The following EPHA6 variants were observed in gnomAD, a reference collection of about 807,000 sequenced individuals.
EPHA6 encodes EPH receptor A6, also known as ephrin type-A receptor 6.
Under a neutral mutation model 112.0 loss-of-function variants are expected in EPHA6, and 50 were observed. The ratio of observed to expected loss-of-function variants is 0.45; its 90% CI spans 0.36 to 0.56. The LOEUF (loss-of-function observed/expected upper bound fraction) is 0.56. Among genes scored for constraint, EPHA6 ranks in the 20% least tolerant of loss-of-function variants. The pLI, the probability that EPHA6 is intolerant of heterozygous loss-of-function variation, is 0.00. For missense variants in EPHA6, 1,280 were observed against 1,417.4 expected (o/e 0.90, Z 1.56); for synonymous variants, 529 against 490.7 (o/e 1.08, Z -1.03).
rs147642398 is a variant in EPHA6, at chr3:96,985,688, G to T, written c.451-1642G>T. The stretch of plus-strand genomic sequence containing the variant: ...CTGGAAAATGCCCTCTGGATTTCAA[G>T]CAAGAAATTTGCAGAAAATATTTTT... On this transcript the variant is annotated intron_variant, in intron 2 of 17. Coordinates refer to ENST00000389672, the MANE Select transcript of EPHA6 (RefSeq NM_001080448.3). Among the ~76,000 whole-genome samples, 284 of 152,212 alleles carry T rather than the reference G, an allele frequency of 1.9e-3. 1 individual carries two copies. Among genetic ancestry groups the T allele is most frequent in the African/African-American group, 6.6e-3 (272 of 41,526 alleles).
intron 3 of EPHA6, among the ~76,000 whole-genome samples, chr3:97,069,158 A>G (rs1168820118): frequency 6.6e-6 from 1 of 152,172 alleles, no homozygotes; most frequent in Non-Finnish European, 1.5e-5. Flanking sequence ...TGCCTTACCA[A>G]TAATATAAAG....
chr3:97,532,659 A>G, intron 11 of EPHA6, 116 bp downstream of exon 11: 1 of 828,266 alleles, frequency 1.2e-6, no homozygotes. Flanking sequence ...CTTAGTTCAG[A>G]TATCATCACC....
chr3:97,723,276 T>C (rs967853976), intron 15 of EPHA6, among the ~76,000 whole-genome samples: 15 of 152,142 alleles, frequency 9.9e-5, no homozygotes, highest in Admixed American at 8.5e-4. Context: ...TAGTCCACCA[T>C]GTAAATTGTT....
At chr3:97,114,487 A>G (rs2108289439) in intron 3 of EPHA6, among the ~76,000 whole-genome samples, 1 of 152,124 alleles carries the variant, frequency 6.6e-6, no homozygotes, top group East Asian at 1.9e-4. Context: ...ACACCTGGTT[A>G]TATAATCGTC....
chr3:97,185,837 G>A (rs1356994268), intron 3 of EPHA6, among the ~76,000 whole-genome samples: 4 of 152,064 alleles, frequency 2.6e-5, no homozygotes, highest in Non-Finnish European at 5.9e-5. Context: ...TGATAGACTG[G>A]ATTAAGAAAA....
rs1553746306 is a variant in EPHA6, at chr3:97,324,425, C to CTTTCTTTCT, written c.1606+80141_1606+80149dup. 3.5e-5 allele frequency among the ~76,000 whole-genome samples: 5 copies of CTTTCTTTCT among 143,414 alleles called. No homozygotes were observed. The East Asian group carries it at 6.1e-4, about 17-fold the overall frequency. 94.1% of individuals were successfully genotyped at this position (143,414 alleles called of 152,430 possible). ...CCTTCTTTTCTTTCTTTCTTTCTTT[C>CTTTCTTTCT]TTTCTTTCTTTCTTTCTTTCTTTCT... is the stretch of plus-strand genomic sequence containing the variant. On this transcript the variant is annotated intron_variant, in intron 5 of 17. Coordinates refer to ENST00000389672, the MANE Select transcript of EPHA6 (RefSeq NM_001080448.3).
intron 14 of EPHA6, among the ~76,000 whole-genome samples, chr3:97,711,233 G>A (rs937163992): frequency 1.3e-5 from 2 of 152,058 alleles, no homozygotes; most frequent in Admixed American, 6.5e-5. Context: ...CATGTAAGAC[G>A]TAACTTGCTC....
At chr3:97,279,092 C>A (rs2080200075) in intron 5 of EPHA6, among the ~76,000 whole-genome samples, 1 of 152,158 alleles carries the variant, frequency 6.6e-6, no homozygotes, top group South Asian at 2.1e-4. Flanking sequence ...TCTTTACAAG[C>A]AATTTAGGAT....
At chr3:97,686,826 T>G (rs2032284074) in intron 14 of EPHA6, among the ~76,000 whole-genome samples, 1 of 152,180 alleles carries the variant, frequency 6.6e-6, no homozygotes, top group Non-Finnish European at 1.5e-5. Context: ...ACACTGAATC[T>G]TGGAGTCTGT....
intron 3 of EPHA6, among the ~76,000 whole-genome samples, chr3:97,167,844 AAAAT>A (rs1001360014): frequency 2.6e-5 from 4 of 151,914 alleles, no homozygotes; most frequent in Non-Finnish European, 4.4e-5. Flanking sequence ...AAATATTCTT[AAAAT>A]AAATAGATGG....
intron 3 of EPHA6, among the ~76,000 whole-genome samples, chr3:97,118,553 G>T (rs1029551241): frequency 1.3e-5 from 2 of 151,688 alleles, no homozygotes; most frequent in Admixed American, 6.6e-5. Flanking sequence ...TAACACATTA[G>T]TTCCTTTTCT....
At chr3:97,175,225 C>T (rs1422455932) in intron 3 of EPHA6, among the ~76,000 whole-genome samples, 1 of 151,896 alleles carries the variant, frequency 6.6e-6, no homozygotes, top group African/African-American at 2.4e-5. Flanking sequence ...GGATTTGTTT[C>T]TGGGTTCTCT....
intron 7 of EPHA6, among the ~76,000 whole-genome samples, chr3:97,451,808 C>A: frequency 6.6e-6 from 1 of 151,784 alleles, no homozygotes; most frequent in African/African-American, 2.4e-5. Flanking sequence ...CTTTGTTTCT[C>A]AAGTAGTGCC....
intron 3 of EPHA6, among the ~76,000 whole-genome samples, chr3:97,122,267 G>A (rs1383842831): frequency 1.3e-5 from 2 of 151,978 alleles, no homozygotes; most frequent in Admixed American, 6.6e-5. Flanking sequence ...ATCAACAATC[G>A]TTGTGCTTGA....
intron 2 of EPHA6, among the ~76,000 whole-genome samples, chr3:96,878,956 T>C (rs1226652333): frequency 6.6e-6 from 1 of 152,062 alleles, no homozygotes; most frequent in Admixed American, 6.5e-5. Context: ...AAGTGAAAAC[T>C]GAATAAATTG....
intron 12 of EPHA6, among the ~76,000 whole-genome samples, chr3:97,602,041 C>A (rs1453039987): frequency 6.6e-6 from 1 of 151,990 alleles, no homozygotes; most frequent in African/African-American, 2.4e-5. Context: ...TTAAAATATT[C>A]AGGATGTAAC....
intron 3 of EPHA6, among the ~76,000 whole-genome samples, chr3:97,069,974 T>G (rs1019963298): frequency 9.2e-5 from 14 of 152,142 alleles, no homozygotes; most frequent in African/African-American, 3.4e-4. Context: ...TCTTTCAAGC[T>G]GTGTGGTCTT....
rs572687169 is a variant in EPHA6 at position 96,942,554 on chromosome 3, T to C, written c.451-44776T>C. Among the ~76,000 whole-genome samples, 22 of 152,354 alleles carry C rather than the reference T, an allele frequency of 1.4e-4. 1 individual carries two copies. The highest frequency in any genetic ancestry group is 1.3e-3 in the Admixed American group (20 of 15,310). ...CTAGGAAAGGGAACTCCCTGACTCC[T>C]TGCGCTTCCCGAGTGAGGCAATGCC... On this transcript the variant is annotated intron_variant, in intron 2 of 17. Coordinates refer to ENST00000389672, the MANE Select transcript of EPHA6 (RefSeq NM_001080448.3).
At chr3:96,815,700 G>T (rs1410664586) in intron 1 of EPHA6, among the ~76,000 whole-genome samples, 2 of 152,144 alleles carry the variant, frequency 1.3e-5, no homozygotes, top group Non-Finnish European at 2.9e-5. Context: ...GTTTCGGTGG[G>T]TAAAGTGGTA....
Sources: allele counts gnomAD v4.1 joint callset (sites outside exome capture counted in the v4.1 genomes callset), GRCh38; gene constraint gnomAD v4.1.1; transcripts MANE v1.5; gene names NCBI Gene and HGNC (gene_info 2026-07-23, HGNC 2026-07-21).